The following WDFY3 variants were observed in gnomAD, a reference collection of about 807,000 sequenced individuals.
The protein encoded by WDFY3 is WD repeat and FYVE domain-containing protein 3.
Under a neutral mutation model 409.6 loss-of-function variants are expected in WDFY3, and 66 were observed. That is an observed-to-expected ratio of 0.16 (90% CI 0.13 to 0.20). The LOEUF (loss-of-function observed/expected upper bound fraction) is 0.20. WDFY3 is among the 10% of genes least tolerant of loss of function. The pLI is 1.00. For missense variants in WDFY3, 3,031 were observed against 4,298.1 expected (o/e 0.71, Z 8.24); for synonymous variants, 1,521 against 1,537.1 (o/e 0.99, Z 0.25).
At chr4:84,860,372 C>T in intron 4 of WDFY3, 40 bp downstream of exon 4, 1 of 1,564,492 alleles carries the variant, frequency 6.4e-7, no homozygotes, top group Non-Finnish European at 8.7e-7. Flanking sequence ...TGTAGTGCCC[C>T]CCAGTCCCGG....
chr4:84,804,689 A>G (rs1388475245), intron 15 of WDFY3, among the ~76,000 whole-genome samples: 2 of 152,192 alleles, frequency 1.3e-5, no homozygotes, highest in Non-Finnish European at 2.9e-5. Context: ...TCTTTTAAAT[A>G]TTTTGATCCA....
chr4:84,888,709 T>C (rs114546005), intron 3 of WDFY3, among the ~76,000 whole-genome samples: 1 of 152,176 alleles, frequency 6.6e-6, no homozygotes, highest in African/African-American at 2.4e-5. Context: ...TACCAGCTTA[T>C]GAGAGCCGAT....
At chr4:84,806,685 C>A (rs527253750) in intron 15 of WDFY3, among the ~76,000 whole-genome samples, 1 of 152,236 alleles carries the variant, frequency 6.6e-6, no homozygotes, top group East Asian at 1.9e-4. Context: ...CGGCTCACTG[C>A]AACCTCCGCC....
At chr4:84,812,740 C>T (rs895855820) in intron 13 of WDFY3, among the ~76,000 whole-genome samples, 3 of 152,062 alleles carry the variant, frequency 2.0e-5, no homozygotes, top group Admixed American at 1.3e-4. Context: ...GAATCTTAGT[C>T]CAATAATTTA....
intron 1 of WDFY3, among the ~76,000 whole-genome samples, chr4:84,938,713 T>C (rs1771740578): frequency 6.6e-6 from 1 of 152,144 alleles, no homozygotes; most frequent in Admixed American, 6.6e-5. Flanking sequence ...AATACAAAAA[T>C]CACTCATACT....
intron 36 of WDFY3, among the ~76,000 whole-genome samples, chr4:84,744,640 T>G (rs924916251): frequency 3.3e-4 from 50 of 150,466 alleles, no homozygotes; most frequent in East Asian, 2.0e-4. Context: ...GATCACGAGG[T>G]CAGGAGATCG....
chr4:84,837,366 A>C (rs563693425), intron 6 of WDFY3, among the ~76,000 whole-genome samples: 1 of 152,164 alleles, frequency 6.6e-6, no homozygotes, highest in Non-Finnish European at 1.5e-5. Flanking sequence ...CATAAGCTTT[A>C]GAATTTAGAA....
At chr4:84,844,342 GC>G (rs1195051301) in intron 5 of WDFY3, 2 of 742,830 alleles carry the variant, frequency 2.7e-6, no homozygotes. Context: ...AAACACCCTT[GC>G]CCCCTCCAAA....
intron 25 of WDFY3, among the ~76,000 whole-genome samples, chr4:84,782,370 A>AT (rs35721725): frequency 0.41 from 60,966 of 149,784 alleles, 12,420 homozygotes; most frequent in East Asian, 0.49. Context: ...AAACAGTGCA[A>AT]TTTTTTTTTT....
rs1309892320 is a variant in WDFY3 at position 84,808,260 on chromosome 4, T to G, written c.2429+74A>C. ...CTGAAATCACAAAACACAATCAACA[T>G]GTTAACATAAATAAGCACAGAAAAA... is the stretch of plus-strand genomic sequence containing the variant. On this transcript the variant is annotated intron_variant, in intron 15 of 67. Transcript: ENST00000295888. The G allele has an allele frequency of 7.5e-5, 88 of 1,174,490 alleles. 1 individual carries two copies. In the East Asian group the frequency reaches 2.2e-3, roughly 29 times the overall value. The allele number at this position is 1,174,490 out of a possible 1,614,324, so 72.8% of individuals were successfully genotyped here.
chr4:84,835,189 A>C (rs1398863406), intron 7 of WDFY3, among the ~76,000 whole-genome samples: 1 of 152,200 alleles, frequency 6.6e-6, no homozygotes, highest in Non-Finnish European at 1.5e-5. Flanking sequence ...TTTTTAAAAA[A>C]CTTTGCTATG....
intron 17 of WDFY3, among the ~76,000 whole-genome samples, chr4:84,799,980 T>G (rs1164832587): frequency 4.7e-5 from 7 of 149,552 alleles, no homozygotes; most frequent in Non-Finnish European, 1.0e-4. Flanking sequence ...TGGGACAATG[T>G]CTCTCTCTCT....
At chr4:84,679,837 T>TAC (rs1200903856) in intron 64 of WDFY3, among the ~76,000 whole-genome samples, 12 of 149,270 alleles carry the variant, frequency 8.0e-5, no homozygotes, top group African/African-American at 1.0e-4. Context: ...TATATATATA[T>TAC]ATATACACAC....
chr4:84,680,555 T>C (rs1727183292), intron 64 of WDFY3, among the ~76,000 whole-genome samples: 2 of 152,208 alleles, frequency 1.3e-5, no homozygotes, highest in African/African-American at 4.8e-5. Flanking sequence ...CTCTCTACTC[T>C]CTTGCAATAA....
In WDFY3 at chr4:84,705,436, C is replaced by T. The variant is rs1170501666; in HGVS notation, c.8293G>A (p.Ala2765Thr). Residue 2765 changes from alanine (A) to threonine (T), a missense_variant, in exon 54 of 68, where the codon GCT (alanine) becomes ACT (threonine). By Grantham distance (58) the Ala-to-Thr change is moderately conservative. Around this residue, in one of 16 missense-constraint regions of WDFY3, gnomAD observed 129 missense variants for 305.3 expected, o/e 0.42. Transcript: ENST00000295888. ...TCTTTATACCGCTTCTTATACTGAGCTAATCGTTCATCTGTTTGTGCTCCC... is the reference window on the plus strand; with the variant it reads ...TCTTTATACCGCTTCTTATACTGAGTTAATCGTTCATCTGTTTGTGCTCCC... Reference protein sequence around the residue: ...PMGAQTDERLAQYKKRYKDWE... With the variant: ...PMGAQTDERLTQYKKRYKDWE... 3 of 1,613,944 alleles carry T rather than the reference C, an allele frequency of 1.9e-6. No homozygotes were observed. The highest frequency in any genetic ancestry group is 1.7e-5 in the Admixed American group (1 of 60,008).
chr4:84,680,585 G>A (rs1727188180), intron 64 of WDFY3, among the ~76,000 whole-genome samples: 2 of 152,196 alleles, frequency 1.3e-5, no homozygotes, highest in Non-Finnish European at 2.9e-5. Context: ...GAGGGAAAAT[G>A]TATAAGAAAC....
chr4:84,849,151 C>T (rs1313324101), intron 5 of WDFY3, among the ~76,000 whole-genome samples: 3 of 151,742 alleles, frequency 2.0e-5, no homozygotes, highest in African/African-American at 7.3e-5. Context: ...ACAGAATCCA[C>T]CCCCAAAAAA....
rs1199378342 is a variant in WDFY3, at chr4:84,743,715, C to T, written c.6058G>A (p.Ala2020Thr). 6.4e-7 allele frequency: 1 copy of T among 1,574,206 alleles called. No homozygotes were observed. Among genetic ancestry groups the T allele is most frequent in the Admixed American group, 1.7e-5 (1 of 57,524 alleles). Residue 2020 changes from alanine to threonine, a missense_variant, in exon 37 of 68, where the codon GCT (alanine) becomes ACT (threonine). Physicochemically the swap from Ala to Thr is moderately conservative, Grantham distance 58. Around this residue, in one of 16 missense-constraint regions of WDFY3, gnomAD observed 314 missense variants for 397.4 expected, o/e 0.79. Coordinates refer to ENST00000295888, the MANE Select transcript of WDFY3 (RefSeq NM_014991.6). The part of the protein sequence containing the change: ...LDSVMDHLLA[A>T]DVLLGEDASL... ...ACAGAATTACCTAATAACACATCAG[C>T]TGCAAGCAAATGGTCCATCACGCTA... is the stretch of plus-strand genomic sequence containing the variant.
chr4:84,766,501 C>A, intron 30 of WDFY3, 129 bp from the exon 31 acceptor site: 1 of 858,656 alleles, frequency 1.2e-6, no homozygotes, highest in Non-Finnish European at 1.7e-6. Context: ...CTGCTTTTCA[C>A]CAACATGGAC....
Sources: allele counts gnomAD v4.1 joint callset (sites outside exome capture counted in the v4.1 genomes callset), GRCh38; gene constraint gnomAD v4.1.1; regional missense constraint gnomAD v4.1.1; transcripts MANE v1.5; gene names NCBI Gene and HGNC (gene_info 2026-07-23, HGNC 2026-07-21).